CDH7: variants seen among roughly 807,000 people sequenced by gnomAD.
CDH7 encodes cadherin 7.
CDH7 carries 25 observed loss-of-function variants against 71.8 expected under a neutral mutation model. The observed-to-expected ratio is 0.35, with a 90% CI of 0.25 to 0.49. CDH7 has a LOEUF of 0.49. Ranked by LOEUF, CDH7 falls within the 20% of genes least tolerant of loss-of-function variation. The pLI, the probability that CDH7 is intolerant of heterozygous loss-of-function variation, is 0.99. For synonymous variants in CDH7, 381 were observed against 363.8 expected, an observed-to-expected ratio of 1.05 and a Z score of -0.54; for missense variants, 862 against 974.6, an observed-to-expected ratio of 0.88 and a Z score of 1.54.
At position 65,821,993 on chromosome 18, in the gene CDH7, A is replaced by G. The variant is rs1911946695; in HGVS notation, c.626-88A>G. 1.1e-5 allele frequency: 11 copies of G among 1,017,646 alleles called. No homozygotes were observed. In the South Asian group the frequency reaches 1.2e-4, roughly 11 times the overall value. 63.0% of individuals were successfully genotyped at this position (1,017,646 alleles called of 1,614,324 possible). On this transcript the variant is annotated intron_variant, in intron 4 of 11. Transcript: ENST00000397968. ...CAAAACAACAAAAGGCAACAACTCA[A>G]GAGGGACTTACTACTTGTATCAGTA...
intron 11 of CDH7, among the ~76,000 whole-genome samples, chr18:65,873,118 C>T (rs1261575869): frequency 6.6e-6 from 1 of 152,100 alleles, no homozygotes; most frequent in Non-Finnish European, 1.5e-5. Flanking sequence ...CTAAGTTATA[C>T]TTGCATATCA....
intron 6 of CDH7, among the ~76,000 whole-genome samples, chr18:65,831,809 GA>G (rs71167154): frequency 2.0e-5 from 3 of 146,358 alleles, no homozygotes; most frequent in African/African-American, 7.5e-5. Flanking sequence ...AAATTCTGAA[GA>G]AAAAAAAAAA....
In CDH7 at chr18:65,873,529, A is replaced by G. The variant is rs989652674; in HGVS notation, c.1865-6872A>G. The stretch of plus-strand genomic sequence containing the variant: ...TCATTTTAATATGTGATCCATGAAG[A>G]TTATTGAGACAATATTTTACTTTTT... On this transcript the variant is annotated intron_variant, in intron 11 of 11. Transcript: ENST00000397968. Among the ~76,000 whole-genome samples, 5 of 152,336 alleles carry G rather than the reference A, an allele frequency of 3.3e-5. No homozygotes were observed. In the South Asian group the frequency reaches 6.2e-4, roughly 19 times the overall value.
intron 3 of CDH7, among the ~76,000 whole-genome samples, chr18:65,811,983 T>TTTTTTTG (rs1568198610): frequency 4.1e-5 from 6 of 144,912 alleles, no homozygotes; most frequent in African/African-American, 1.5e-4. Flanking sequence ...TTTTTTTTTT[T>TTTTTTTG]TTGCGAGATG....
chr18:65,858,395 T>C (rs1007499176), intron 8 of CDH7, among the ~76,000 whole-genome samples: 1 of 151,944 alleles, frequency 6.6e-6, no homozygotes, highest in Non-Finnish European at 1.5e-5. Flanking sequence ...TGAATGCATA[T>C]TTGCATGCAT....
At chr18:65,847,963 G>GAA (rs376444375) in intron 7 of CDH7, among the ~76,000 whole-genome samples, 1 of 111,414 alleles carries the variant, frequency 9.0e-6, no homozygotes, top group African/African-American at 2.7e-5. Context: ...TACTTAGAGG[G>GAA]AAAAAAAACG....
chr18:65,867,653 C>A (rs1913805700), intron 11 of CDH7, among the ~76,000 whole-genome samples: 1 of 152,072 alleles, frequency 6.6e-6, no homozygotes, highest in African/African-American at 2.4e-5. Flanking sequence ...AAAAATAAAA[C>A]CTGTTTCTTG....
At chr18:65,849,938 T>G (rs2144008381) in intron 7 of CDH7, among the ~76,000 whole-genome samples, 1 of 151,728 alleles carries the variant, frequency 6.6e-6, no homozygotes, top group East Asian at 2.0e-4. Flanking sequence ...CCGAGATGGG[T>G]GGATCATTTT....
chr18:65,814,021 T>A (rs1167354538), intron 3 of CDH7, among the ~76,000 whole-genome samples: 1 of 152,172 alleles, frequency 6.6e-6, no homozygotes, highest in Non-Finnish European at 1.5e-5. Context: ...ATTAATGACA[T>A]TTTGATTTCT....
intron 11 of CDH7, among the ~76,000 whole-genome samples, chr18:65,869,286 G>A (rs1189196963): frequency 6.6e-6 from 1 of 151,402 alleles, no homozygotes; most frequent in Non-Finnish European, 1.5e-5. Flanking sequence ...CAATCCGTCA[G>A]TATTTCAGAG....
chr18:65,766,344 T>C (rs890113484), intron 2 of CDH7, among the ~76,000 whole-genome samples: 1 of 152,116 alleles, frequency 6.6e-6, no homozygotes, highest in African/African-American at 2.4e-5. Context: ...TTGAAGATAA[T>C]GAGGCTACAA....
At chr18:65,843,690 T>G in intron 6 of CDH7, 122 bp from the exon 7 acceptor site, 1 of 782,864 alleles carries the variant, frequency 1.3e-6, no homozygotes, top group Non-Finnish European at 1.9e-6. Context: ...TATTTTTGGA[T>G]GCTGATGGTG....
rs950172144 is a variant in CDH7, at chr18:65,822,571, T to A, written c.793+323T>A. 2.0e-5 allele frequency among the ~76,000 whole-genome samples: 3 copies of A among 151,756 alleles called. No homozygotes were observed. In the South Asian group the frequency reaches 6.2e-4, roughly 32 times the overall value. The stretch of plus-strand genomic sequence containing the variant: ...TCTTTTTTCTAAGAATTACTCTTTT[T>A]ATATTTTGTAAATTATAAAGTTGTT... On this transcript the variant is annotated intron_variant, in intron 5 of 11. Coordinates refer to ENST00000397968, the MANE Select transcript of CDH7 (RefSeq NM_004361.5).
At chr18:65,804,595 T>C (rs565441707) in intron 2 of CDH7, among the ~76,000 whole-genome samples, 1 of 152,252 alleles carries the variant, frequency 6.6e-6, no homozygotes, top group Non-Finnish European at 1.5e-5. Flanking sequence ...TTTTGGGCTC[T>C]ACAATCTTTA....
intron 2 of CDH7, among the ~76,000 whole-genome samples, chr18:65,769,419 A>T (rs1322422192): frequency 1.3e-5 from 2 of 152,228 alleles, no homozygotes; most frequent in African/African-American, 4.8e-5. Context: ...GTAAAGTTTT[A>T]AACTTTTTTA....
intron 2 of CDH7, among the ~76,000 whole-genome samples, chr18:65,784,037 C>T (rs187259169): frequency 3.6e-4 from 53 of 149,082 alleles, no homozygotes; most frequent in African/African-American, 1.0e-3. Context: ...CAACAACTTC[C>T]ACCTTCCTGG....
chr18:65,777,969 A>G (rs894339167), intron 2 of CDH7, among the ~76,000 whole-genome samples: 4 of 152,064 alleles, frequency 2.6e-5, no homozygotes, highest in Admixed American at 6.6e-5. Context: ...TATCATTACT[A>G]TTTTTATTTA....
At chr18:65,791,578 A>G (rs961990055) in intron 2 of CDH7, among the ~76,000 whole-genome samples, 2 of 152,204 alleles carry the variant, frequency 1.3e-5, no homozygotes, top group Non-Finnish European at 2.9e-5. Flanking sequence ...ACTCTGGGCC[A>G]TTCTCTATTT....
At chr18:65,793,411 C>T (rs956296082) in intron 2 of CDH7, among the ~76,000 whole-genome samples, 11 of 146,878 alleles carry the variant, frequency 7.5e-5, no homozygotes, top group African/African-American at 2.8e-4. Context: ...ACAGCGACAC[C>T]CAGTCTCAAA....
Sources: allele counts gnomAD v4.1 joint callset (sites outside exome capture counted in the v4.1 genomes callset), GRCh38; gene constraint gnomAD v4.1.1; transcripts MANE v1.5; gene names NCBI Gene and HGNC (gene_info 2026-07-23, HGNC 2026-07-21).